CADM4: variants seen among roughly 807,000 people sequenced by gnomAD.
CADM4 encodes TSLC1-like 2.
A neutral mutation model predicts 43.9 loss-of-function variants in CADM4; 13 were observed. The observed-to-expected ratio is 0.30, with a 90% CI of 0.19 to 0.47. The LOEUF is 0.47. Ranked by LOEUF, CADM4 falls within the 20% of genes least tolerant of loss-of-function variation. The pLI is 1.00. For missense variants in CADM4, 420 were observed against 527.0 expected (o/e 0.80, Z 1.99); for synonymous variants, 209 against 220.9 (o/e 0.95, Z 0.48).
chr19:43,625,145 G>T lies in CADM4; in HGVS notation c.861C>A (p.Gly287=). 1 of 1,614,106 alleles carries T rather than the reference G, an allele frequency of 6.2e-7. No individual in the cohort carries two copies. Among genetic ancestry groups the T allele is most frequent in the Non-Finnish European group, 8.5e-7 (1 of 1,179,992 alleles). ...TLPGLVSADN[G]TYTCEASNKH... The stretch of plus-strand genomic sequence containing the variant: ...TATTGGACGCCTCGCAAGTGTAGGT[G>T]CCGTTATCCGCGGATACCAGACCCG... Residue 287 remains glycine (G), a synonymous_variant, in exon 7 of 9, where the codon GGC becomes GGA. Transcript: ENST00000222374. The surrounding 1 kb of genome is among the most constrained non-coding windows in gnomAD (Gnocchi z 4.5).
chr19:43,627,600 C>A lies in CADM4; in HGVS notation c.211+44G>T. On this transcript the variant is annotated intron_variant, in intron 2 of 8. Transcript: ENST00000222374. The surrounding 1 kb of genome is among the most constrained non-coding windows in gnomAD (Gnocchi z 4.0). ...AGGACATGGGAGCCTGGGCCCCAGC[C>A]CTCTCTTCCTTTAAGACTCCTGAGT... 1 of 1,581,230 alleles carries A rather than the reference C, an allele frequency of 6.3e-7. No homozygotes were observed. Among genetic ancestry groups the A allele is most frequent in the African/African-American group, 1.3e-5 (1 of 74,356 alleles).
rs760166240 is a variant in CADM4, at chr19:43,627,159, G to T, written c.364+7C>A. On this transcript the variant is annotated splice_region_variant and intron_variant, in intron 3 of 8. Transcript: ENST00000222374. The surrounding 1 kb of genome is among the most constrained non-coding windows in gnomAD (Gnocchi z 4.0). ...GAGGATGCGTCTGACAAGGGGGAGG[G>T]CGTTACCTAGTACCGTGAGCGTGGC... The T allele has an allele frequency of 3.2e-6, 5 of 1,567,250 alleles. No homozygotes were observed. The Admixed American group carries it at 7.4e-5, about 23-fold the overall frequency.
Position 43,627,840 on chromosome 19 carries a change from A to G in CADM4, c.65-50T>C, listed in dbSNP as rs749558701. On this transcript the variant is annotated intron_variant, in intron 1 of 8. Transcript: ENST00000222374. This position sits in a 1 kb window ranked among gnomAD's most constrained non-coding sequence, Gnocchi z 4.0. ...GATAGAAGACTTACTGAGAGCTGCA[A>G]TTCAATTTTTTCTTTCTCCCTCTTC... 1.9e-6 allele frequency: 3 copies of G among 1,563,748 alleles called. No homozygotes were observed. Among genetic ancestry groups the G allele is most frequent in the Non-Finnish European group, 2.6e-6 (3 of 1,143,498 alleles).
At position 43,626,349 on chromosome 19, in the gene CADM4, C is replaced by T. The variant is rs1033733027; in HGVS notation, c.500-61G>A. ...TTCCGGCTCCATCCACCCACCCACC[C>T]GAGCCAACGCCAAAGCAGGCTATTT... On this transcript the variant is annotated intron_variant, in intron 4 of 8. Transcript: ENST00000222374. The surrounding 1 kb of genome is among the most constrained non-coding windows in gnomAD (Gnocchi z 5.9). The T allele has an allele frequency of 3.8e-6, 6 of 1,578,558 alleles. No homozygotes were observed. The highest frequency in any genetic ancestry group is 3.3e-4 in the Middle Eastern group (2 of 6,002).
Position 43,625,939 on chromosome 19 carries a change from A to C in CADM4, c.727T>G (p.Leu243Val). The C allele has an allele frequency of 5.0e-6, 8 of 1,614,112 alleles. No homozygotes were observed. The highest frequency in any genetic ancestry group is 6.8e-6 in the Non-Finnish European group (8 of 1,179,996). Reference protein sequence around the residue: ...AVVREGDTLVLTCAVTGNPRP... With the variant: ...AVVREGDTLVVTCAVTGNPRP... ...GGGTTCCCCGTGACAGCACACGTCA[A>C]CACCAGCGTGTCTCCCTCCCTCACC... The change falls in exon 6 of 9, where the codon TTG becomes GTG. Residue 243 changes from leucine (L) to valine (V), a missense_variant. By Grantham distance (32) the Leu-to-Val change is conservative (BLOSUM62 1). Transcript: ENST00000222374. This position sits in a 1 kb window ranked among gnomAD's most constrained non-coding sequence, Gnocchi z 4.5.
chr19:43,633,534 G>A (rs1303378025), intron 1 of CADM4, among the ~76,000 whole-genome samples: 2 of 152,166 alleles, frequency 1.3e-5, no homozygotes, highest in East Asian at 3.9e-4. Flanking sequence ...GTTTACTGCT[G>A]CACCCCTAGT....
intron 1 of CADM4, among the ~76,000 whole-genome samples, chr19:43,632,717 T>C (rs1973644533): frequency 6.6e-6 from 1 of 152,084 alleles, no homozygotes; most frequent in Non-Finnish European, 1.5e-5. Flanking sequence ...TCTCAAATCA[T>C]ATCAGTACCT....
chr19:43,632,066 G>C (rs1431301662), intron 1 of CADM4, among the ~76,000 whole-genome samples: 1 of 152,054 alleles, frequency 6.6e-6, no homozygotes, highest in Non-Finnish European at 1.5e-5. Flanking sequence ...GCACCTCCTG[G>C]AATATCAAGC....
Position 43,624,915 on chromosome 19 carries a change from T to G in CADM4, c.928+163A>C. On this transcript the variant is annotated intron_variant, in intron 7 of 8. Coordinates refer to ENST00000222374, the MANE Select transcript of CADM4 (RefSeq NM_145296.2). ...ACAGGTTCGGTTACCTGCAATAGAA[T>G]GCAGCCAACCCGAATTTGAGCCCCG... 5.7e-6 allele frequency: 4 copies of G among 705,130 alleles called. No individual in the cohort carries two copies. The South Asian group carries it at 7.7e-5, about 14-fold the overall frequency. The allele number at this position is 705,130 out of a possible 1,614,324, so 43.7% of individuals were successfully genotyped here.
Position 43,626,777 on chromosome 19 carries a change from A to G in CADM4, c.499+7T>C, listed in dbSNP as rs753032519. The G allele has an allele frequency of 9.5e-6, 15 of 1,574,204 alleles. No homozygotes were observed. The highest frequency in any genetic ancestry group is 1.3e-5 in the Non-Finnish European group (15 of 1,156,886). On this transcript the variant is annotated splice_region_variant and intron_variant, in intron 4 of 8. Coordinates refer to ENST00000222374, the MANE Select transcript of CADM4 (RefSeq NM_145296.2). The surrounding 1 kb of genome is among the most constrained non-coding windows in gnomAD (Gnocchi z 5.9). ...CCCATCCCTTGTCAGCACTCGGCCCAGGGTACCTTTCAGCTCCTTGCGGTC... is the reference window on the plus strand; with the variant it reads ...CCCATCCCTTGTCAGCACTCGGCCCGGGGTACCTTTCAGCTCCTTGCGGTC...
At position 43,627,870 on chromosome 19, in the gene CADM4, T is replaced by A. The variant is rs1973555732; in HGVS notation, c.65-80A>T. The A allele has an allele frequency of 8.1e-6, 11 of 1,354,492 alleles. No homozygotes were observed. The South Asian group carries it at 1.3e-4, about 16-fold the overall frequency. 83.9% of individuals were successfully genotyped at this position (1,354,492 alleles called of 1,614,324 possible). On this transcript the variant is annotated intron_variant, in intron 1 of 8. Transcript: ENST00000222374. The surrounding 1 kb of genome is among the most constrained non-coding windows in gnomAD (Gnocchi z 4.0). ...ATTTTTTCTTTCTCCCTCTTCCCCA[T>A]CCAAACCTCCAATCCCTCTCTTTCC...
chr19:43,639,459 G>T (rs547039784), intron 1 of CADM4, among the ~76,000 whole-genome samples: 97 of 150,818 alleles, frequency 6.4e-4, no homozygotes, highest in African/African-American at 2.3e-3. Flanking sequence ...GGGCGGACTT[G>T]TGTGTGTAGG....
upstream of CADM4, among the ~76,000 whole-genome samples, chr19:43,641,756 C>T (rs1201797802): frequency 3.3e-5 from 5 of 152,202 alleles, no homozygotes; most frequent in Non-Finnish European, 5.9e-5. Context: ...AAGAGATAGT[C>T]TCTAATCCTC....
chr19:43,639,400 C>G (rs1973742374), intron 1 of CADM4, among the ~76,000 whole-genome samples: 1 of 150,662 alleles, frequency 6.6e-6, no homozygotes, highest in Non-Finnish European at 1.5e-5. Flanking sequence ...GACGGGCGGA[C>G]AGAGGGACGC....
chr19:43,631,151 A>C (rs1380494751), intron 1 of CADM4, among the ~76,000 whole-genome samples: 3 of 151,808 alleles, frequency 2.0e-5, no homozygotes, highest in Non-Finnish European at 4.4e-5. Flanking sequence ...GACCAGCCTG[A>C]CCAACATGGT....
In CADM4 at chr19:43,623,793, T is replaced by A. The variant is rs979402200; in HGVS notation, c.1057+321A>T. 6.6e-6 allele frequency among the ~76,000 whole-genome samples: 1 copy of A among 152,234 alleles called. No individual in the cohort carries two copies. The highest frequency in any genetic ancestry group is 1.5e-5 in the Non-Finnish European group (1 of 68,032). The stretch of plus-strand genomic sequence containing the variant: ...TTTGTATTTTTAGTAGAAAAGGGGC[T>A]GCGCCATGGTGCCCAGGCTGGTCTC... On this transcript the variant is annotated intron_variant, in intron 8 of 8. Transcript: ENST00000222374. This position sits in a 1 kb window ranked among gnomAD's most constrained non-coding sequence, Gnocchi z 4.4.
In CADM4 at chr19:43,639,783, C is replaced by G. The variant is rs1474208317; in HGVS notation, c.8G>C (p.Arg3Pro). The change falls in exon 1 of 9, where the codon CGG (arginine) becomes CCG (proline). Residue 3 changes from arginine to proline, a missense_variant. Coordinates refer to ENST00000222374, the MANE Select transcript of CADM4 (RefSeq NM_145296.2). The stretch of plus-strand genomic sequence containing the variant: ...CAGCGGCCACTGGAAGCGCCGGGCC[C>G]GGCCCATGGTGCCGCCGCCGCCGCC... MGRARRFQWPLLL... is the reference protein window; with the variant it reads MGPARRFQWPLLL... The G allele has an allele frequency of 2.0e-6, 2 of 1,014,090 alleles. No homozygotes were observed. Among genetic ancestry groups the G allele is most frequent in the East Asian group, 1.1e-4 (1 of 9,382 alleles). The allele number at this position is 1,014,090 out of a possible 1,614,324, so 62.8% of individuals were successfully genotyped here. A position where few individuals can be genotyped will look rare whatever the true frequency, so the allele number is the denominator to read the frequency against.
chr19:43,627,866 C>G lies in CADM4; in HGVS notation c.65-76G>C. The G allele has an allele frequency of 7.2e-7, 1 of 1,392,888 alleles. No individual in the cohort carries two copies. Among genetic ancestry groups the G allele is most frequent in the Middle Eastern group, 1.8e-4 (1 of 5,454 alleles). The allele number at this position is 1,392,888 out of a possible 1,614,324, so 86.3% of individuals were successfully genotyped here. A position where few individuals can be genotyped will look rare whatever the true frequency, so the allele number is the denominator to read the frequency against. On this transcript the variant is annotated intron_variant, in intron 1 of 8. Coordinates refer to ENST00000222374, the MANE Select transcript of CADM4 (RefSeq NM_145296.2). The surrounding 1 kb of genome is among the most constrained non-coding windows in gnomAD (Gnocchi z 4.0). ...TTCAATTTTTTCTTTCTCCCTCTTC[C>G]CCATCCAAACCTCCAATCCCTCTCT...
At position 43,622,455 on chromosome 19, in the gene CADM4, G is replaced by GGTTTTTT. The variant is rs767127201; in HGVS notation, c.*868_*874dup. The stretch of plus-strand genomic sequence containing the variant: ...CCCACCCCGTACAAAATGTGTGTGT[G>GGTTTTTT]GTTTTTTGTTTTTTGTTTTTTGTTT... On this transcript the variant is annotated 3_prime_UTR_variant, in exon 9 of 9. Transcript: ENST00000222374. 6.6e-6 allele frequency: 1 copy of GGTTTTTT among 152,074 alleles called. No homozygotes were observed. Among genetic ancestry groups the GGTTTTTT allele is most frequent in the South Asian group, 2.1e-4 (1 of 4,818 alleles). The allele number at this position is 152,074 out of a possible 1,614,324, so 9.4% of individuals were successfully genotyped here.
Sources: gnomAD v4.1 joint callset for allele counts (sites outside exome capture counted in the v4.1 genomes callset) on GRCh38, gnomAD v4.1.1 for gene constraint, Gnocchi (gnomAD v3.1) non-coding constraint, MANE v1.5 for transcripts, NCBI Gene and HGNC (gene_info 2026-07-23, HGNC 2026-07-21) for gene names.